RYR2: variants seen among roughly 807,000 people sequenced by gnomAD.
RYR2 encodes cardiac muscle ryanodine receptor-calcium release channel.
A neutral mutation model predicts 601.1 loss-of-function variants in RYR2; 227 were observed. The observed-to-expected ratio is 0.38, with a 90% confidence interval of 0.34 to 0.42. RYR2 has a LOEUF of 0.42. RYR2 is among the 10% of genes least tolerant of loss of function. The pLI, the probability that RYR2 is intolerant of heterozygous loss-of-function variation, is 1.00. For synonymous variants in RYR2, 2,223 were observed against 2,175.1 expected, an observed-to-expected ratio of 1.02 and a Z score of -0.61; for missense variants, 4,646 against 6,156.5, an observed-to-expected ratio of 0.75 and a Z score of 8.21.
chr1:237,263,415 A>T (rs1402875418), intron 1 of RYR2, among the ~76,000 whole-genome samples: 2 of 152,206 alleles, frequency 1.3e-5, no homozygotes, highest in African/African-American at 4.8e-5. Flanking sequence ...TCTCACACAG[A>T]TCCTAATGCT....
chr1:237,706,472 C>T (rs1037366865), intron 67 of RYR2, among the ~76,000 whole-genome samples: 27 of 152,028 alleles, frequency 1.8e-4, no homozygotes, highest in African/African-American at 4.8e-4. Flanking sequence ...TTCCTGAGGA[C>T]GGAGAGTGCC....
chr1:237,728,391 T>C (rs1055894356), intron 76 of RYR2, among the ~76,000 whole-genome samples: 1 of 152,110 alleles, frequency 6.6e-6, no homozygotes, highest in Non-Finnish European at 1.5e-5. Context: ...CCTTAATATC[T>C]AGAACCAGAA....
intron 54 of RYR2, among the ~76,000 whole-genome samples, chr1:237,658,692 G>T (rs1415424077): frequency 6.6e-6 from 1 of 152,156 alleles, no homozygotes; most frequent in African/African-American, 2.4e-5. Flanking sequence ...GAGCCACCAT[G>T]CCTGGCCAGG....
At chr1:237,237,623 C>T (rs1224900250) in intron 1 of RYR2, among the ~76,000 whole-genome samples, 7 of 152,040 alleles carry the variant, frequency 4.6e-5, no homozygotes, top group Non-Finnish European at 2.9e-5. Flanking sequence ...GATAACAGGC[C>T]CTGAAAGAAA....
At chr1:237,053,297 C>T (rs1661517331) in intron 1 of RYR2, among the ~76,000 whole-genome samples, 1 of 152,222 alleles carries the variant, frequency 6.6e-6, no homozygotes, top group Non-Finnish European at 1.5e-5. Context: ...GTCAGGAGAA[C>T]ATTTCTTCTT....
chr1:237,189,724 T>C (rs945253202), intron 1 of RYR2, among the ~76,000 whole-genome samples: 1 of 152,172 alleles, frequency 6.6e-6, no homozygotes, highest in South Asian at 2.1e-4. Context: ...TCTCTAATTG[T>C]GAAAAATAAA....
chr1:237,166,002 T>A (rs1308487701), intron 1 of RYR2, among the ~76,000 whole-genome samples: 1 of 152,108 alleles, frequency 6.6e-6, no homozygotes. Flanking sequence ...TCTCCAAAAA[T>A]TTTTTAAAAA....
intron 43 of RYR2, 138 bp from the exon 44 acceptor site, chr1:237,634,751 C>T: frequency 1.7e-6 from 1 of 593,956 alleles, no homozygotes; most frequent in Non-Finnish European, 2.9e-6. Context: ...TAAAATTAAA[C>T]TTTAATGTAA....
chr1:237,481,401 A>C (rs1662076657), intron 17 of RYR2, among the ~76,000 whole-genome samples: 1 of 152,194 alleles, frequency 6.6e-6, no homozygotes, highest in South Asian at 2.1e-4. Flanking sequence ...TCTCCGGCTC[A>C]GTGGTGATTC....
intron 33 of RYR2, among the ~76,000 whole-genome samples, chr1:237,594,897 T>TTTTTTTTTTTTTG (rs1675668121): frequency 4.7e-5 from 1 of 21,192 alleles, no homozygotes. Context: ...TTTTTTTTTT[T>TTTTTTTTTTTTTG]TTTTTTTTTT....
chr1:237,401,028 C>A (rs2149930572), intron 10 of RYR2, among the ~76,000 whole-genome samples: 1 of 152,264 alleles, frequency 6.6e-6, no homozygotes, highest in Middle Eastern at 3.4e-3. Flanking sequence ...TAGACCAGAC[C>A]TTACAAGTAT....
intron 1 of RYR2, among the ~76,000 whole-genome samples, chr1:237,090,109 T>G (rs1383885574): frequency 6.6e-6 from 1 of 152,056 alleles, no homozygotes; most frequent in Non-Finnish European, 1.5e-5. Context: ...AGAATTCACT[T>G]ACTGTCACCA....
intron 1 of RYR2, among the ~76,000 whole-genome samples, chr1:237,255,605 A>C (rs973954981): frequency 7.9e-5 from 12 of 152,182 alleles, no homozygotes; most frequent in African/African-American, 2.9e-4. Context: ...ACTACATATT[A>C]GATGACATTC....
intron 48 of RYR2, among the ~76,000 whole-genome samples, chr1:237,646,962 A>C (rs1682227333): frequency 6.6e-6 from 1 of 152,192 alleles, no homozygotes; most frequent in Non-Finnish European, 1.5e-5. Context: ...ATTCATTAGA[A>C]ACAATGTCTG....
chr1:237,367,695 G>T (rs552978342), intron 5 of RYR2, among the ~76,000 whole-genome samples: 2 of 152,176 alleles, frequency 1.3e-5, no homozygotes, highest in Middle Eastern at 3.4e-3. Flanking sequence ...ACCTTCCATG[G>T]TCTTTCCCTG....
intron 33 of RYR2, 110 bp downstream of exon 33, chr1:237,593,746 G>A (rs1220952209): frequency 2.2e-5 from 25 of 1,128,004 alleles, no homozygotes; most frequent in East Asian, 1.3e-4. Flanking sequence ...TTTATAGGAA[G>A]AATATAATCA....
At chr1:237,195,283 C>T (rs185783675) in intron 1 of RYR2, among the ~76,000 whole-genome samples, 7 of 152,220 alleles carry the variant, frequency 4.6e-5, no homozygotes, top group South Asian at 2.1e-4. Flanking sequence ...AATAACCAGT[C>T]GCTCGTGTTG....
intron 1 of RYR2, among the ~76,000 whole-genome samples, chr1:237,153,385 C>G (rs141144924): frequency 0.011 from 1,741 of 152,270 alleles, 29 homozygotes; most frequent in African/African-American, 0.04. Flanking sequence ...CCTAGAAAGT[C>G]TTTAACTGAA....
At chr1:237,242,832 G>T (rs1343079761) in intron 1 of RYR2, among the ~76,000 whole-genome samples, 1 of 152,134 alleles carries the variant, frequency 6.6e-6, no homozygotes, top group Non-Finnish European at 1.5e-5. Flanking sequence ...GAGCCTTTTG[G>T]TGTATTGGAG....
Sources: allele counts gnomAD v4.1 joint callset (sites outside exome capture counted in the v4.1 genomes callset), GRCh38; gene constraint gnomAD v4.1.1; transcripts MANE v1.5; gene names NCBI Gene and HGNC (gene_info 2026-07-23, HGNC 2026-07-21).